The following NBEA variants were observed in gnomAD, a reference collection of about 807,000 sequenced individuals.
The protein encoded by NBEA is lysosomal-trafficking regulator 2.
In NBEA, 44 loss-of-function variants were observed where a neutral mutation model predicts 343.4. The observed-to-expected ratio is 0.13, with a 90% CI of 0.10 to 0.16. The LOEUF is 0.16. Among genes scored for constraint, NBEA ranks in the 10% least tolerant of loss-of-function variants. NBEA has a pLI of 1.00. For missense variants in NBEA, 2,555 were observed against 3,631.3 expected (o/e 0.70, Z 7.62); for synonymous variants, 1,175 against 1,238.7 (o/e 0.95, Z 1.08).
intron 39 of NBEA, among the ~76,000 whole-genome samples, chr13:35,445,120 T>C (rs1279191085): frequency 6.6e-6 from 1 of 152,086 alleles, no homozygotes. Flanking sequence ...GAATACCTGA[T>C]GTTGGATAGG....
rs758486598 is a variant in NBEA, at chr13:35,098,248, A to G, written c.1572-49A>G. On this transcript the variant is annotated intron_variant, in intron 10 of 58. Coordinates refer to ENST00000379939, the MANE Select transcript of NBEA (RefSeq NM_001385012.1). Reference sequence around the variant, plus strand: ...AAAATACTGAAGTGGGACACTGTTTATAATAAACATGTGATGATTACATAA... The same window carrying G: ...AAAATACTGAAGTGGGACACTGTTTGTAATAAACATGTGATGATTACATAA... 3.9e-6 allele frequency: 5 copies of G among 1,298,548 alleles called. No individual in the cohort carries two copies. In the African/African-American group the frequency reaches 4.4e-5, roughly 11 times the overall value. The allele number at this position is 1,298,548 out of a possible 1,614,324, so 80.4% of individuals were successfully genotyped here. A position where few individuals can be genotyped will look rare whatever the true frequency, so the allele number is the denominator to read the frequency against.
intron 33 of NBEA, among the ~76,000 whole-genome samples, chr13:35,211,440 A>G (rs1251630196): frequency 6.6e-6 from 1 of 152,154 alleles, no homozygotes; most frequent in East Asian, 1.9e-4. Flanking sequence ...GCATGTTACT[A>G]TTTCCGGTAA....
At chr13:35,457,184 C>T (rs1361483861) in intron 40 of NBEA, among the ~76,000 whole-genome samples, 1 of 152,006 alleles carries the variant, frequency 6.6e-6, no homozygotes, top group East Asian at 1.9e-4. Flanking sequence ...TTTTAAGACC[C>T]ATTTAAAACA....
At chr13:35,340,660 A>T (rs779080127) in intron 36 of NBEA, among the ~76,000 whole-genome samples, 1 of 152,070 alleles carries the variant, frequency 6.6e-6, no homozygotes, top group South Asian at 2.1e-4. Context: ...TTAAAAAAGG[A>T]ATAAATTTAG....
intron 38 of NBEA, among the ~76,000 whole-genome samples, chr13:35,417,407 A>G (rs552585083): frequency 6.6e-6 from 1 of 152,160 alleles, no homozygotes; most frequent in African/African-American, 2.4e-5. Flanking sequence ...ACCGCTTTAA[A>G]TGTGTCCCCG....
chr13:35,612,424 G>T (rs924520329), intron 48 of NBEA, among the ~76,000 whole-genome samples: 3 of 152,102 alleles, frequency 2.0e-5, no homozygotes, highest in African/African-American at 2.4e-5. Context: ...GAGCCACGGC[G>T]CCTGGCCTAC....
chr13:35,450,256 C>T (rs887413831), intron 39 of NBEA, among the ~76,000 whole-genome samples: 5 of 151,624 alleles, frequency 3.3e-5, no homozygotes, highest in African/African-American at 1.2e-4. Flanking sequence ...GGGAGGATCG[C>T]TTGAGCTCAG....
chr13:34,969,860 C>T (rs1049590500), intron 1 of NBEA, among the ~76,000 whole-genome samples: 1 of 151,816 alleles, frequency 6.6e-6, no homozygotes, highest in Non-Finnish European at 1.5e-5. Flanking sequence ...TGAACATATG[C>T]ATGCATGTGC....
At chr13:35,083,550 G>A (rs1402805357) in intron 10 of NBEA, among the ~76,000 whole-genome samples, 1 of 152,000 alleles carries the variant, frequency 6.6e-6, no homozygotes, top group Non-Finnish European at 1.5e-5. Context: ...TTACAGACAA[G>A]CAAATGCTGA....
chr13:34,942,660 C>T lies in NBEA; in HGVS notation c.-161C>T, dbSNP rs924269207. 661 of 408,456 alleles carry T rather than the reference C, an allele frequency of 1.6e-3. 4 individuals are homozygous for T. The highest frequency in any genetic ancestry group is 2.1e-3 in the Non-Finnish European group (516 of 247,734). The allele number at this position is 408,456 out of a possible 1,614,324, so 25.3% of individuals were successfully genotyped here. On this transcript the variant is annotated 5_prime_UTR_variant, in exon 1 of 59. Transcript: ENST00000379939. The stretch of plus-strand genomic sequence containing the variant: ...GCCTCCGCGGGGGAGAGCGCCGGAG[C>T]GGGCCGGGCTGAGGCGCAGGCGGGG...
intron 1 of NBEA, among the ~76,000 whole-genome samples, chr13:34,951,334 C>G (rs2059343528): frequency 6.6e-6 from 1 of 152,138 alleles, no homozygotes; most frequent in Non-Finnish European, 1.5e-5. Flanking sequence ...AATGGGATTT[C>G]AACCTTATAA....
Position 35,184,030 on chromosome 13 carries a change from A to T in NBEA, c.4886A>T (p.Lys1629Met). ...AGTTTGAACCATGGATTCCTTGCCA[A>T]GTTAATTCCTGAGCAGAGCTTTGGC... ...HPSLNHGFLA[K>M]LIPEQSFGHS... The change falls in exon 30 of 59, where the codon AAG (lysine) becomes ATG (methionine). Residue 1629 changes from lysine (K) to methionine (M), a missense_variant. Lys to Met is a moderately conservative substitution (Grantham distance 95, BLOSUM62 -1). This residue lies in a region of NBEA where 270 missense variants were observed against 293.3 expected (regional missense o/e 0.92). Transcript: ENST00000379939. 4 of 1,611,950 alleles carry T rather than the reference A, an allele frequency of 2.5e-6. No individual in the cohort carries two copies. The highest frequency in any genetic ancestry group is 3.4e-6 in the Non-Finnish European group (4 of 1,178,662).
rs188372171 is a variant in NBEA, at chr13:35,201,477, T to G, written c.5366+5175T>G. On this transcript the variant is annotated intron_variant, in intron 31 of 58. Coordinates refer to ENST00000379939, the MANE Select transcript of NBEA (RefSeq NM_001385012.1). ...AATTGTCATGTTATCCTAGAATCAG[T>G]AACAAATTATTTTTCTCTTTTAAGT... 1.6e-3 allele frequency among the ~76,000 whole-genome samples: 245 copies of G among 152,180 alleles called. 1 individual carries two copies. The highest frequency in any genetic ancestry group is 5.8e-3 in the African/African-American group (239 of 41,562).
At chr13:35,477,272 A>G (rs1460245279) in intron 41 of NBEA, 1 of 165,536 alleles carries the variant, frequency 6.0e-6, no homozygotes, top group Admixed American at 6.5e-5. Flanking sequence ...TGGAGGTAGT[A>G]TGCTCTTTTT....
chr13:34,957,702 T>TTA lies in NBEA; in HGVS notation c.294+14593_294+14594dup, dbSNP rs141136360. On this transcript the variant is annotated intron_variant, in intron 1 of 58. Transcript: ENST00000379939. ...TGACCAATATCTATTTGAACTTATT[T>TTA]TATATAACATATAACTTCTGAAGAT... 6.3e-3 allele frequency among the ~76,000 whole-genome samples: 962 copies of TTA among 152,304 alleles called. 9 individuals carry two copies. Among genetic ancestry groups the TTA allele is most frequent in the African/African-American group, 0.022 (921 of 41,548 alleles).
At chr13:35,577,823 G>C (rs1230415420) in intron 45 of NBEA, among the ~76,000 whole-genome samples, 1 of 152,122 alleles carries the variant, frequency 6.6e-6, no homozygotes, top group East Asian at 1.9e-4. Flanking sequence ...TTACCAGATG[G>C]TGTCATGTAA....
At chr13:35,054,719 C>T (rs1184542580) in intron 6 of NBEA, among the ~76,000 whole-genome samples, 1 of 148,590 alleles carries the variant, frequency 6.7e-6, no homozygotes, top group African/African-American at 2.5e-5. Context: ...TCTTGGCTCA[C>T]TGCAACCTCT....
At chr13:34,983,958 T>C (rs1040880504) in intron 1 of NBEA, among the ~76,000 whole-genome samples, 1 of 152,090 alleles carries the variant, frequency 6.6e-6, no homozygotes, top group African/African-American at 2.4e-5. Flanking sequence ...TTTTCTCCCA[T>C]TCTGTAGGTA....
intron 17 of NBEA, among the ~76,000 whole-genome samples, chr13:35,138,146 T>C (rs1210205632): frequency 6.6e-6 from 1 of 152,130 alleles, no homozygotes; most frequent in African/African-American, 2.4e-5. Context: ...TTCTTGTCAA[T>C]GAAAATAAGA....
Sources: allele counts gnomAD v4.1 joint callset (sites outside exome capture counted in the v4.1 genomes callset), GRCh38; gene constraint gnomAD v4.1.1; regional missense constraint gnomAD v4.1.1; transcripts MANE v1.5; gene names NCBI Gene and HGNC (gene_info 2026-07-23, HGNC 2026-07-21).